OR5B12: variants seen among roughly 807,000 people sequenced by gnomAD.
The protein encoded by OR5B12 is olfactory receptor 5B12.
For synonymous variants in OR5B12, 154 were observed against 138.0 expected (o/e 1.12, Z -0.81); for missense variants, 418 against 377.0 (o/e 1.11, Z -0.90).
rs1171182993 is a variant in OR5B12, at chr11:58,439,411, G to A, written c.741C>T (p.Ser247=). The change falls in exon 2 of 2, where the codon TCC becomes TCT. Residue 247 remains serine (S), a synonymous_variant. Coordinates refer to ENST00000641921, the MANE Select transcript of OR5B12 (RefSeq NM_001004733.3). ...TAAAGATTCCTGTCCCATAAAAGAT[G>A]GAAACTGCAGTAAGGTGGGAAGCAC... is the stretch of plus-strand genomic sequence containing the variant. ...STCASHLTAV[S]IFYGTGIFMY... 3.1e-6 allele frequency: 5 copies of A among 1,614,044 alleles called. No individual in the cohort carries two copies. The highest frequency in any genetic ancestry group is 4.2e-6 in the Non-Finnish European group (5 of 1,180,014).
In OR5B12 at chr11:58,439,262, C is replaced by G. The variant is rs201022870; in HGVS notation, c.890G>C (p.Ser297Thr). Reference sequence around the variant, plus strand: ...CTTCCCTACAGTCTTTTTAAAGGCACTCTTAACCTCTTTGTTCCTCAGGCT... The same window carrying G: ...CTTCCCTACAGTCTTTTTAAAGGCAGTCTTAACCTCTTTGTTCCTCAGGCT... Reference protein sequence around the residue: ...VYSLRNKEVKSAFKKTVGKAK... With the variant: ...VYSLRNKEVKTAFKKTVGKAK... The change falls in exon 2 of 2, where the codon AGT (serine) becomes ACT (threonine). Residue 297 changes from serine (S) to threonine (T), a missense_variant. Coordinates refer to ENST00000641921, the MANE Select transcript of OR5B12 (RefSeq NM_001004733.3). The G allele has an allele frequency of 1.4e-5, 22 of 1,613,744 alleles. No homozygotes were observed. The highest frequency in any genetic ancestry group is 1.5e-5 in the Non-Finnish European group (18 of 1,179,780).
intron 1 of OR5B12, among the ~76,000 whole-genome samples, chr11:58,441,512 C>G (rs542303337): frequency 6.6e-6 from 1 of 152,150 alleles, no homozygotes; most frequent in East Asian, 1.9e-4. Context: ...CCTTCTTGTG[C>G]TTTTTCTTTA....
chr11:58,440,102 T>A lies in OR5B12; in HGVS notation c.50A>T (p.Asp17Val). Residue 17 changes from aspartate to valine, a missense_variant, in exon 2 of 2, where the codon GAT becomes GTT. Physicochemically the swap from Asp to Val is radical, Grantham distance 152 (BLOSUM62 -3). Transcript: ENST00000641921. ...GAGTGGGATCTGCAGTTCTGGGTCA[T>A]CAGTTAACCCCACAAGGATGAATTC... ...VTEFILVGLT[D>V]DPELQIPLFI... 6.2e-7 allele frequency: 1 copy of A among 1,613,508 alleles called. No individual in the cohort carries two copies. Among genetic ancestry groups the A allele is most frequent in the Non-Finnish European group, 8.5e-7 (1 of 1,179,688 alleles).
chr11:58,441,835 A>G (rs1165945491), intron 1 of OR5B12, among the ~76,000 whole-genome samples: 1 of 152,180 alleles, frequency 6.6e-6, no homozygotes, highest in Non-Finnish European at 1.5e-5. Context: ...AAAATCCAAA[A>G]TCCAAAACAC....
chr11:58,440,132 A>G lies in OR5B12; in HGVS notation c.20T>C (p.Val7Ala). 6.2e-7 allele frequency: 1 copy of G among 1,603,748 alleles called. No individual in the cohort carries two copies. The highest frequency in any genetic ancestry group is 8.5e-7 in the Non-Finnish European group (1 of 1,175,050). The change falls in exon 2 of 2, where the codon GTG (valine) becomes GCG (alanine). Residue 7 changes from valine (V) to alanine (A), a missense_variant. Transcript: ENST00000641921. ...TAACCCCACAAGGATGAATTCAGTC[A>G]CCTCTGTGTTGTTCTCCATTGGGAA... Reference protein sequence around the residue: MENNTEVTEFILVGLTD... With the variant: MENNTEATEFILVGLTD...
intron 1 of OR5B12, among the ~76,000 whole-genome samples, chr11:58,441,649 A>C (rs1213792875): frequency 6.6e-6 from 1 of 152,208 alleles, no homozygotes; most frequent in Non-Finnish European, 1.5e-5. Context: ...GGAAAATTCC[A>C]CACATAAGTA....
rs769775443 is a variant in OR5B12 at position 58,439,761 on chromosome 11, TGTAATGCAGG to T, written c.381_390del (p.Leu128ProfsTer4). The T allele has an allele frequency of 2.8e-4, 448 of 1,614,048 alleles. 1 individual carries two copies. The highest frequency in any genetic ancestry group is 3.7e-4 in the Non-Finnish European group (435 of 1,180,034). On this transcript the variant is annotated frameshift_variant, in exon 2 of 2. Transcript: ENST00000641921. LOFTEE classifies it low-confidence loss of function (END_TRUNC). Reference sequence around the variant, plus strand: ...CATACATTTGTTGTCATGGTGGTGGTGTAATGCAGGGGTTTACACAATGCTGCATAGCGGT... The same window carrying T: ...CATACATTTGTTGTCATGGTGGTGGTGGTTTACACAATGCTGCATAGCGGT...
At position 58,439,319 on chromosome 11, in the gene OR5B12, A is replaced by G. The variant is rs750662092; in HGVS notation, c.833T>C (p.Ile278Thr). 4 of 1,613,904 alleles carry G rather than the reference A, an allele frequency of 2.5e-6. No homozygotes were observed. The highest frequency in any genetic ancestry group is 2.2e-5 in the South Asian group (2 of 91,076). ...CAGTGGATTCAACATGGGAATGACT[A>G]TGGCATAGAACACAGATGCCATTTT... Reference protein sequence around the residue: ...TDKMASVFYAIVIPMLNPLVY... With the variant: ...TDKMASVFYATVIPMLNPLVY... Residue 278 changes from isoleucine to threonine, a missense_variant, in exon 2 of 2, where the codon ATA (isoleucine) becomes ACA (threonine). Coordinates refer to ENST00000641921, the MANE Select transcript of OR5B12 (RefSeq NM_001004733.3).
At chr11:58,441,300 GTC>G (rs1366822950) in intron 1 of OR5B12, among the ~76,000 whole-genome samples, 2 of 151,858 alleles carry the variant, frequency 1.3e-5, no homozygotes, top group African/African-American at 4.8e-5. Flanking sequence ...CATTCCTTCT[GTC>G]TCTCTTTTTA....
At position 58,440,082 on chromosome 11, in the gene OR5B12, G is replaced by A. The variant is rs1248369469; in HGVS notation, c.70C>T (p.Pro24Ser). The A allele has an allele frequency of 6.2e-7, 1 of 1,613,954 alleles. No individual in the cohort carries two copies. The highest frequency in any genetic ancestry group is 1.1e-5 in the South Asian group (1 of 91,064). ...GLTDDPELQI[P>S]LFIVFLFIYL... ...ATGAAAAGGAAGACTATGAAGAGTG[G>A]GATCTGCAGTTCTGGGTCATCAGTT... Residue 24 changes from proline to serine, a missense_variant, in exon 2 of 2, where the codon CCA (proline) becomes TCA (serine). Pro to Ser is a moderately conservative substitution (Grantham distance 74, BLOSUM62 -1). Coordinates refer to ENST00000641921, the MANE Select transcript of OR5B12 (RefSeq NM_001004733.3).
rs762200553 is a variant in OR5B12 at position 58,439,426 on chromosome 11, G to A, written c.726C>T (p.His242=). Residue 242 remains histidine, a synonymous_variant, in exon 2 of 2, where the codon CAC becomes CAT. Transcript: ENST00000641921. ...CATAAAAGATGGAAACTGCAGTAAGGTGGGAAGCACAAGTAGAAAAGGCCT... is the reference window on the plus strand; with the variant it reads ...CATAAAAGATGGAAACTGCAGTAAGATGGGAAGCACAAGTAGAAAAGGCCT... The part of the protein sequence containing the change: ...RQKAFSTCAS[H]LTAVSIFYGT... 1 of 1,614,064 alleles carries A rather than the reference G, an allele frequency of 6.2e-7. No individual in the cohort carries two copies. The highest frequency in any genetic ancestry group is 1.1e-5 in the South Asian group (1 of 91,074).
chr11:58,440,166 C>A lies in OR5B12; in HGVS notation c.-15G>T. On this transcript the variant is annotated 5_prime_UTR_variant, in exon 2 of 2. Transcript: ENST00000641921. ...TTGTTCTCCATTGGGAATTATGTAG[C>A]TGCCCTGTAGAAATGAAAAGGCAGA... The A allele has an allele frequency of 6.5e-7, 1 of 1,536,944 alleles. No individual in the cohort carries two copies. The highest frequency in any genetic ancestry group is 1.7e-4 in the Middle Eastern group (1 of 5,728).
In OR5B12 at chr11:58,439,280, C is replaced by T; in HGVS notation, c.872G>A (p.Arg291Lys). ...PMLNPLVYSLRNKEVKSAFKK... is the reference protein window; with the variant it reads ...PMLNPLVYSLKNKEVKSAFKK... ...AAAGGCACTCTTAACCTCTTTGTTC[C>T]TCAGGCTGTAGACCAGTGGATTCAA... is the stretch of plus-strand genomic sequence containing the variant. Residue 291 changes from arginine (R) to lysine (K), a missense_variant, in exon 2 of 2, where the codon AGG (arginine) becomes AAG (lysine). By Grantham distance (26) the Arg-to-Lys change is conservative. Transcript: ENST00000641921. 1 of 1,613,836 alleles carries T rather than the reference C, an allele frequency of 6.2e-7. No homozygotes were observed. Among genetic ancestry groups the T allele is most frequent in the Non-Finnish European group, 8.5e-7 (1 of 1,179,884 alleles).
chr11:58,440,888 T>G (rs1278280901), intron 1 of OR5B12, among the ~76,000 whole-genome samples: 1 of 152,232 alleles, frequency 6.6e-6, no homozygotes, highest in Non-Finnish European at 1.5e-5. Context: ...CTACAAGCTC[T>G]AATTTCGAAT....
At chr11:58,440,705 C>G (rs936416432) in intron 1 of OR5B12, among the ~76,000 whole-genome samples, 4 of 152,134 alleles carry the variant, frequency 2.6e-5, no homozygotes, top group Non-Finnish European at 5.9e-5. Flanking sequence ...TGCAAATAAC[C>G]TACATTTCTG....
chr11:58,440,118 G>T lies in OR5B12; in HGVS notation c.34C>A (p.Leu12Ile). 1 of 1,611,390 alleles carries T rather than the reference G, an allele frequency of 6.2e-7. No individual in the cohort carries two copies. The highest frequency in any genetic ancestry group is 8.5e-7 in the Non-Finnish European group (1 of 1,178,620). ...ENNTEVTEFI[L>I]VGLTDDPELQ... Reference sequence around the variant, plus strand: ...TCTGGGTCATCAGTTAACCCCACAAGGATGAATTCAGTCACCTCTGTGTTG... The same window carrying T: ...TCTGGGTCATCAGTTAACCCCACAATGATGAATTCAGTCACCTCTGTGTTG... The change falls in exon 2 of 2, where the codon CTT (leucine) becomes ATT (isoleucine). Residue 12 changes from leucine (L) to isoleucine (I), a missense_variant. Physicochemically the swap from Leu to Ile is conservative, Grantham distance 5. Transcript: ENST00000641921.
At position 58,439,659 on chromosome 11, in the gene OR5B12, A is replaced by G; in HGVS notation, c.493T>C (p.Ser165Pro). The G allele has an allele frequency of 6.2e-7, 1 of 1,614,162 alleles. No individual in the cohort carries two copies. Among genetic ancestry groups the G allele is most frequent in the Non-Finnish European group, 8.5e-7 (1 of 1,180,014 alleles). Reference protein sequence around the residue: ...SIHTGNTFRLSFCRSNVVEHF... With the variant: ...SIHTGNTFRLPFCRSNVVEHF... Reference sequence around the variant, plus strand: ...TCAACTACATTGGATCTACAGAAGGAGAGCCTGAAAGTGTTCCCAGTATGA... The same window carrying G: ...TCAACTACATTGGATCTACAGAAGGGGAGCCTGAAAGTGTTCCCAGTATGA... Residue 165 changes from serine to proline, a missense_variant, in exon 2 of 2, where the codon TCC becomes CCC. Coordinates refer to ENST00000641921, the MANE Select transcript of OR5B12 (RefSeq NM_001004733.3).
chr11:58,441,869 G>T (rs1001822618), intron 1 of OR5B12, among the ~76,000 whole-genome samples, 177 bp downstream of exon 1: 1 of 152,108 alleles, frequency 6.6e-6, no homozygotes, highest in Admixed American at 6.5e-5. Flanking sequence ...TATTTTAGAT[G>T]AGGAATACTC....
chr11:58,440,987 T>A, intron 1 of OR5B12, among the ~76,000 whole-genome samples: 1 of 152,168 alleles, frequency 6.6e-6, no homozygotes, highest in East Asian at 1.9e-4. Context: ...CTGATAAATA[T>A]TATGTTTAAG....
Sources: gnomAD v4.1 joint callset for allele counts (sites outside exome capture counted in the v4.1 genomes callset) on GRCh38, gnomAD v4.1.1 for gene constraint, MANE v1.5 for transcripts, NCBI Gene and HGNC (gene_info 2026-07-23, HGNC 2026-07-21) for gene names.